The following CDH8 variants were observed in gnomAD, a reference collection of about 807,000 sequenced individuals.
CDH8 encodes the protein cadherin-8.
A neutral mutation model predicts 68.1 loss-of-function variants in CDH8; 17 were observed. That is an observed-to-expected ratio of 0.25 (90% CI 0.17 to 0.37). The LOEUF is 0.37. Ranked by LOEUF, CDH8 falls within the 10% of genes least tolerant of loss-of-function variation. The probability of loss-of-function intolerance (pLI) is 1.00; values close to 1 mark genes in which losing one functional copy is unlikely to be tolerated. For missense variants in CDH8, 763 were observed against 999.3 expected, an observed-to-expected ratio of 0.76 and a Z score of 3.19; for synonymous variants, 372 against 365.1, an observed-to-expected ratio of 1.02 and a Z score of -0.21.
At chr16:61,981,648 A>ATGTGTGTGTGTGTG (rs750036103) in intron 2 of CDH8, among the ~76,000 whole-genome samples, 1 of 146,720 alleles carries the variant, frequency 6.8e-6, no homozygotes, top group African/African-American at 2.5e-5. Context: ...CTTGAAAAGA[A>ATGTGTGTGTGTGTG]TGTGTGTGTG....
At chr16:62,022,600 C>T (rs1419782347) in intron 1 of CDH8, among the ~76,000 whole-genome samples, 2 of 152,090 alleles carry the variant, frequency 1.3e-5, no homozygotes, top group Non-Finnish European at 2.9e-5. Context: ...AAGAGAGAAG[C>T]TTTGCTGAAT....
chr16:61,989,448 G>A (rs1965680997), intron 2 of CDH8, among the ~76,000 whole-genome samples: 1 of 152,118 alleles, frequency 6.6e-6, no homozygotes, highest in Non-Finnish European at 1.5e-5. Flanking sequence ...GAGATTCACC[G>A]TAACTTCAAC....
At chr16:61,951,405 TGGGA>T (rs1048222226) in intron 2 of CDH8, among the ~76,000 whole-genome samples, 8 of 149,282 alleles carry the variant, frequency 5.4e-5, no homozygotes, top group Non-Finnish European at 1.2e-4. Flanking sequence ...CCCAGCTACT[TGGGA>T]GGCTGAGGCA....
At chr16:61,767,315 T>C (rs1364401138) in intron 8 of CDH8, among the ~76,000 whole-genome samples, 1 of 151,982 alleles carries the variant, frequency 6.6e-6, no homozygotes, top group East Asian at 1.9e-4. Context: ...GTTAAGCACA[T>C]TCTAATTATG....
intron 3 of CDH8, among the ~76,000 whole-genome samples, chr16:61,892,523 C>CT (rs937590587): frequency 1.3e-5 from 2 of 151,918 alleles, no homozygotes; most frequent in Non-Finnish European, 2.9e-5. Flanking sequence ...TACATTTATA[C>CT]TTTTTTTTGC....
chr16:61,829,526 G>C (rs11645881), intron 4 of CDH8, among the ~76,000 whole-genome samples: 20,115 of 151,728 alleles, frequency 0.13, 1,659 homozygotes, highest in Middle Eastern at 0.21. Context: ...AATGTACTGC[G>C]GTCCAGGCCT....
At chr16:61,762,266 G>A (rs1960490031) in intron 8 of CDH8, among the ~76,000 whole-genome samples, 1 of 152,154 alleles carries the variant, frequency 6.6e-6, no homozygotes, top group African/African-American at 2.4e-5. Context: ...TGGGTAGACT[G>A]AATCCATGTG....
At chr16:61,911,632 C>A (rs1002585483) in intron 2 of CDH8, among the ~76,000 whole-genome samples, 1 of 148,092 alleles carries the variant, frequency 6.8e-6, no homozygotes, top group Non-Finnish European at 1.5e-5. Flanking sequence ...AACCCCCCCC[C>A]ACCACCTCTC....
Position 61,953,031 on chromosome 16 carries a change from G to A in CDH8, c.253-51558C>T, listed in dbSNP as rs150992044. On this transcript the variant is annotated intron_variant, in intron 2 of 11. Transcript: ENST00000577390. ...GGCCTTTGGGAGGTGATTAGGTAAC[G>A]TGGGCTGACTCACTCTCCTGAATGG... Among the ~76,000 whole-genome samples the A allele has an allele frequency of 7.9e-3, 1,195 of 152,220 alleles. 17 individuals are homozygous for A. Among genetic ancestry groups the A allele is most frequent in the African/African-American group, 0.027 (1,131 of 41,516 alleles).
intron 3 of CDH8, among the ~76,000 whole-genome samples, chr16:61,862,096 T>C (rs1460763734): frequency 4.0e-5 from 6 of 150,950 alleles, no homozygotes; most frequent in Non-Finnish European, 7.4e-5. Context: ...GTGATTTTGT[T>C]AGTAAAACTG....
intron 9 of CDH8, among the ~76,000 whole-genome samples, chr16:61,722,590 A>G (rs1959232070): frequency 6.6e-6 from 1 of 150,844 alleles, no homozygotes; most frequent in Non-Finnish European, 1.5e-5. Flanking sequence ...AGAGGTTAGC[A>G]TGCATACTGT....
chr16:61,823,712 T>C (rs927859267), intron 5 of CDH8, among the ~76,000 whole-genome samples: 2 of 151,882 alleles, frequency 1.3e-5, no homozygotes, highest in Non-Finnish European at 2.9e-5. Flanking sequence ...AGGATAAAGG[T>C]CCTCATAGGT....
At chr16:61,698,940 G>A (rs1393832508) in intron 10 of CDH8, among the ~76,000 whole-genome samples, 2 of 152,134 alleles carry the variant, frequency 1.3e-5, no homozygotes, top group Non-Finnish European at 2.9e-5. Flanking sequence ...CTGCTGTTTG[G>A]AAATTCCTGC....
intron 8 of CDH8, among the ~76,000 whole-genome samples, chr16:61,747,119 T>A (rs773480955): frequency 1.1e-4 from 16 of 152,120 alleles, no homozygotes; most frequent in Admixed American, 3.3e-4. Flanking sequence ...ACATTACTAC[T>A]TCCTCTAACT....
intron 8 of CDH8, among the ~76,000 whole-genome samples, chr16:61,788,088 T>C (rs918619772): frequency 3.0e-5 from 4 of 133,188 alleles, no homozygotes; most frequent in African/African-American, 1.1e-4. Context: ...TAAAGTATAA[T>C]AAAAAAAAAA....
At chr16:61,861,288 A>G (rs1481745079) in intron 3 of CDH8, among the ~76,000 whole-genome samples, 1 of 152,216 alleles carries the variant, frequency 6.6e-6, no homozygotes, top group Non-Finnish European at 1.5e-5. Flanking sequence ...CCCTAGAGAC[A>G]CTAATTTCTA....
chr16:61,882,826 C>T (rs757654153), intron 3 of CDH8, among the ~76,000 whole-genome samples: 1 of 152,138 alleles, frequency 6.6e-6, no homozygotes, highest in East Asian at 1.9e-4. Context: ...CCCCATGCCA[C>T]ACATTTACCT....
intron 9 of CDH8, 190 bp from the exon 10 acceptor site, chr16:61,714,148 T>C: frequency 1.8e-6 from 1 of 557,218 alleles, no homozygotes. Flanking sequence ...ACCTCAGCTT[T>C]GATAAGTTGA....
intron 10 of CDH8, among the ~76,000 whole-genome samples, chr16:61,690,955 G>C (rs1964210919): frequency 6.6e-6 from 1 of 151,862 alleles, no homozygotes; most frequent in Non-Finnish European, 1.5e-5. Flanking sequence ...TTTCTCTCCA[G>C]CCTCACTTTT....
Sources: gnomAD v4.1 joint callset for allele counts (sites outside exome capture counted in the v4.1 genomes callset) on GRCh38, gnomAD v4.1.1 for gene constraint, MANE v1.5 for transcripts, NCBI Gene and HGNC (gene_info 2026-07-23, HGNC 2026-07-21) for gene names.